The following KLHL32 variants were observed in gnomAD, a reference collection of about 807,000 sequenced individuals.
The protein encoded by KLHL32 is kelch-like protein 32.
A neutral mutation model predicts 64.8 loss-of-function variants in KLHL32; 35 were observed. The ratio of observed to expected loss-of-function variants is 0.54; its 90% CI spans 0.41 to 0.72. KLHL32 has a LOEUF of 0.72. KLHL32 is among the 30% of genes least tolerant of loss of function. KLHL32 has a pLI of 0.00. For synonymous variants in KLHL32, 259 were observed against 281.0 expected, an observed-to-expected ratio of 0.92 and a Z score of 0.78; for missense variants, 589 against 768.5, an observed-to-expected ratio of 0.77 and a Z score of 2.76.
At chr6:97,053,891 A>G (rs1483829239) in intron 4 of KLHL32, among the ~76,000 whole-genome samples, 2 of 152,098 alleles carry the variant, frequency 1.3e-5, no homozygotes, top group South Asian at 2.1e-4. Flanking sequence ...ATACACTACA[A>G]AATACATAGA....
chr6:96,924,103 C>T (rs1184925945), upstream of KLHL32, among the ~76,000 whole-genome samples: 1 of 152,178 alleles, frequency 6.6e-6, no homozygotes, highest in African/African-American at 2.4e-5. Context: ...GTTCCCCTGA[C>T]GTTTCTTAAA....
chr6:97,024,255 G>A (rs964469359), intron 3 of KLHL32, among the ~76,000 whole-genome samples: 6 of 152,294 alleles, frequency 3.9e-5, no homozygotes, highest in Non-Finnish European at 7.3e-5. Flanking sequence ...GTAGATATTC[G>A]ATAAGCATTA....
chr6:97,096,660 C>A (rs1795031150), intron 6 of KLHL32, among the ~76,000 whole-genome samples: 1 of 152,180 alleles, frequency 6.6e-6, no homozygotes, highest in South Asian at 2.1e-4. Flanking sequence ...GGTTCCAGTC[C>A]CTTTCCTACC....
intron 1 of KLHL32, among the ~76,000 whole-genome samples, chr6:96,961,977 A>G (rs1164099907): frequency 1.3e-5 from 2 of 152,196 alleles, no homozygotes; most frequent in East Asian, 1.9e-4. Context: ...ACCGTGACCC[A>G]TAGTCAGAGA....
Position 96,976,164 on chromosome 6 carries a change from G to A in KLHL32, c.191G>A (p.Ser64Asn). 1 of 1,566,354 alleles carries A rather than the reference G, an allele frequency of 6.4e-7. No homozygotes were observed. Among genetic ancestry groups the A allele is most frequent in the Non-Finnish European group, 8.7e-7 (1 of 1,150,262 alleles). ...CACAAGGCAGTCCTAGCAGCATGCAGTGACTATTTCCGGGTAAGTCAGCAT... is the reference window on the plus strand; with the variant it reads ...CACAAGGCAGTCCTAGCAGCATGCAATGACTATTTCCGGGTAAGTCAGCAT... ...HAHKAVLAAC[S>N]DYFRAMFSLC... Residue 64 changes from serine (S) to asparagine (N), a missense_variant, in exon 3 of 11, where the codon AGT (serine) becomes AAT (asparagine). Physicochemically the swap from Ser to Asn is conservative, Grantham distance 46 (BLOSUM62 1). Around this residue, in one of 3 missense-constraint regions of KLHL32, gnomAD observed 191 missense variants for 223.3 expected, o/e 0.86. Transcript: ENST00000369261.
At chr6:97,002,895 T>C (rs1346688172) in intron 3 of KLHL32, among the ~76,000 whole-genome samples, 1 of 152,234 alleles carries the variant, frequency 6.6e-6, no homozygotes, top group African/African-American at 2.4e-5. Context: ...TTATTTAGTC[T>C]ACTGTTAATG....
chr6:97,006,323 A>T (rs1159448341), intron 3 of KLHL32, among the ~76,000 whole-genome samples: 3 of 152,158 alleles, frequency 2.0e-5, no homozygotes, highest in African/African-American at 7.2e-5. Flanking sequence ...TGATACTAGA[A>T]TAGAAAGCTC....
At chr6:96,932,751 G>A (rs1048559490) in intron 1 of KLHL32, among the ~76,000 whole-genome samples, 3 of 151,794 alleles carry the variant, frequency 2.0e-5, no homozygotes, top group Non-Finnish European at 4.4e-5. Flanking sequence ...AAATTTTTTT[G>A]TAGAGATGGG....
the KLHL32 span, among the ~76,000 whole-genome samples, chr6:96,900,305 C>T: frequency 1.3e-5 from 2 of 152,164 alleles, no homozygotes; most frequent in Non-Finnish European, 2.9e-5. Context: ...CATTGTTTTT[C>T]ATTTTTCAGA....
At chr6:97,125,667 G>C (rs758244735) in intron 7 of KLHL32, among the ~76,000 whole-genome samples, 8 of 152,106 alleles carry the variant, frequency 5.3e-5, no homozygotes, top group Non-Finnish European at 1.2e-4. Flanking sequence ...TCTGTGTTTG[G>C]TGCAAATTGG....
At chr6:97,114,648 T>G in intron 7 of KLHL32, 139 bp downstream of exon 7, 2 of 958,150 alleles carry the variant, frequency 2.1e-6, no homozygotes, top group Non-Finnish European at 3.2e-6. Flanking sequence ...AACATTCATT[T>G]ATTGAGCACC....
At chr6:96,920,008 C>T (rs1768699615), upstream of KLHL32, among the ~76,000 whole-genome samples, 1 of 152,234 alleles carries the variant, frequency 6.6e-6, no homozygotes, top group Non-Finnish European at 1.5e-5. Context: ...TTTCAAAAGG[C>T]CAGTCCTCAG....
chr6:96,951,660 CTCATT>C (rs1224481307), intron 1 of KLHL32, among the ~76,000 whole-genome samples: 1 of 152,094 alleles, frequency 6.6e-6, no homozygotes, highest in Non-Finnish European at 1.5e-5. Context: ...TTTGGATTGT[CTCATT>C]TAATTGTCTG....
At chr6:96,938,857 G>A (rs1770935235) in intron 1 of KLHL32, among the ~76,000 whole-genome samples, 1 of 152,146 alleles carries the variant, frequency 6.6e-6, no homozygotes, top group Non-Finnish European at 1.5e-5. Context: ...TCTAGTGCCT[G>A]ACACAGACTC....
Position 97,084,988 on chromosome 6 carries a change from T to C in KLHL32, c.412-138T>C, listed in dbSNP as rs184533280. The C allele has an allele frequency of 7.2e-4, 455 of 629,232 alleles. 1 individual carries two copies. In the African/African-American group the frequency reaches 7.7e-3, roughly 11 times the overall value. 39.0% of individuals were successfully genotyped at this position (629,232 alleles called of 1,614,324 possible). ...GCAGAACTTTATAATTGTGATTTCT[T>C]TTTTTTTTTATACTAGCCCTCCCAT... On this transcript the variant is annotated intron_variant, in intron 5 of 10. Transcript: ENST00000369261.
intron 9 of KLHL32, among the ~76,000 whole-genome samples, chr6:97,132,286 T>C (rs905972634): frequency 2.6e-5 from 4 of 152,202 alleles, no homozygotes; most frequent in Admixed American, 6.5e-5. Context: ...AAAAAGCATT[T>C]GCGGGTATAG....
intron 1 of KLHL32, among the ~76,000 whole-genome samples, chr6:96,942,865 G>A (rs73492877): frequency 0.023 from 3,533 of 152,018 alleles, 141 homozygotes; most frequent in African/African-American, 0.081. Flanking sequence ...CACTCCTTAC[G>A]GCAGAATGGC....
chr6:97,069,538 C>T (rs7769139), intron 5 of KLHL32, among the ~76,000 whole-genome samples: 18,336 of 151,664 alleles, frequency 0.12, 1,342 homozygotes, highest in African/African-American at 0.21. Context: ...CATCATTCTG[C>T]ACATGGTTTA....
chr6:96,981,164 T>C (rs1271754114), intron 3 of KLHL32, among the ~76,000 whole-genome samples: 3 of 152,166 alleles, frequency 2.0e-5, no homozygotes, highest in Non-Finnish European at 2.9e-5. Flanking sequence ...AAAGCTACAG[T>C]TCAAAATGAG....
Sources: allele counts gnomAD v4.1 joint callset (sites outside exome capture counted in the v4.1 genomes callset), GRCh38; gene constraint gnomAD v4.1.1; regional missense constraint gnomAD v4.1.1; transcripts MANE v1.5; gene names NCBI Gene and HGNC (gene_info 2026-07-23, HGNC 2026-07-21).